The following DNAH14 variants were observed in gnomAD, a reference collection of about 807,000 sequenced individuals.
DNAH14 encodes axonemal beta dynein heavy chain 14.
In DNAH14, 478 loss-of-function variants were observed where a neutral mutation model predicts 520.9. The ratio of observed to expected loss-of-function variants is 0.92; its 90% confidence interval spans 0.85 to 0.99. The LOEUF (loss-of-function observed/expected upper bound fraction) is 0.99, where lower values mean the gene tolerates loss of function less well. Ranked by LOEUF, DNAH14 falls within the 50% of genes least tolerant of loss-of-function variation. The pLI is 0.00. For missense variants in DNAH14, 4,831 were observed against 5,234.5 expected (o/e 0.92, Z 2.38); for synonymous variants, 1,581 against 1,757.2 (o/e 0.90, Z 2.51).
chr1:225,174,035 C>G (rs1029727330), intron 36 of DNAH14, among the ~76,000 whole-genome samples: 8 of 152,098 alleles, frequency 5.3e-5, no homozygotes, highest in African/African-American at 1.9e-4. Context: ...ACCGCATGTT[C>G]TCACTCATAG....
intron 73 of DNAH14, chr1:225,357,627 A>T (rs1280184183): frequency 2.0e-6 from 1 of 497,056 alleles, no homozygotes; most frequent in Non-Finnish European, 3.5e-6. Flanking sequence ...TTTTAAGAAT[A>T]ATTTTTCCAA....
At chr1:225,278,429 C>T (rs563420240) in intron 54 of DNAH14, among the ~76,000 whole-genome samples, 4 of 152,270 alleles carry the variant, frequency 2.6e-5, no homozygotes, top group East Asian at 3.9e-4. Flanking sequence ...ACAGCCACCA[C>T]GCTATTTAAG....
chr1:225,256,227 A>G (rs935527338), intron 44 of DNAH14, among the ~76,000 whole-genome samples: 11 of 152,184 alleles, frequency 7.2e-5, no homozygotes, highest in Non-Finnish European at 1.0e-4. Context: ...CACATATACA[A>G]ACAACAACCA....
At chr1:224,934,272 T>C (rs2058885011) in intron 1 of DNAH14, among the ~76,000 whole-genome samples, 2 of 151,904 alleles carry the variant, frequency 1.3e-5, no homozygotes, top group Admixed American at 1.3e-4. Flanking sequence ...TGTTAAAAAA[T>C]ACAAATAAAT....
At chr1:225,215,934 CATTATGATG>C (rs1180172328) in intron 41 of DNAH14, among the ~76,000 whole-genome samples, 1 of 152,136 alleles carries the variant, frequency 6.6e-6, no homozygotes, top group Non-Finnish European at 1.5e-5. Context: ...TTGATCCTGT[CATTATGATG>C]TTAGCTAGTT....
At chr1:225,015,487 G>A (rs575878615) in intron 10 of DNAH14, among the ~76,000 whole-genome samples, 195 of 152,168 alleles carry the variant, frequency 1.3e-3, no homozygotes, top group Non-Finnish European at 2.4e-3. Context: ...AGTTTTGCAT[G>A]TTTGCACGAT....
intron 41 of DNAH14, among the ~76,000 whole-genome samples, chr1:225,208,070 T>A (rs1195234605): frequency 6.6e-6 from 1 of 152,116 alleles, no homozygotes; most frequent in African/African-American, 2.4e-5. Flanking sequence ...GCCACCCCCC[T>A]TCAAATCTTA....
chr1:225,253,363 T>A (rs567658202), intron 44 of DNAH14, among the ~76,000 whole-genome samples: 2 of 152,264 alleles, frequency 1.3e-5, no homozygotes, highest in African/African-American at 2.4e-5. Flanking sequence ...AGCTGTTTTC[T>A]CCAAATCTAG....
chr1:225,284,612 G>A (rs1436301849), intron 54 of DNAH14, among the ~76,000 whole-genome samples: 1 of 152,008 alleles, frequency 6.6e-6, no homozygotes, highest in Non-Finnish European at 1.5e-5. Context: ...AAATAGAAGA[G>A]GGAATACTTC....
chr1:225,255,580 G>T (rs920895048), intron 44 of DNAH14, among the ~76,000 whole-genome samples: 5 of 152,068 alleles, frequency 3.3e-5, no homozygotes, highest in Non-Finnish European at 7.4e-5. Flanking sequence ...TCTTGAATTG[G>T]GATTAAGGGA....
rs550615099 is a variant in DNAH14 at position 225,265,605 on chromosome 1, T to C, written c.7410+236T>C. Among the ~76,000 whole-genome samples, 7 of 152,304 alleles carry C rather than the reference T, an allele frequency of 4.6e-5. No individual in the cohort carries two copies. The South Asian group carries it at 1.4e-3, about 32-fold the overall frequency. On this transcript the variant is annotated intron_variant, in intron 48 of 85. Transcript: ENST00000682510. The stretch of plus-strand genomic sequence containing the variant: ...CCAAAAGAAGCTACTGAAATCTTGC[T>C]AAAGAGAAGTAGACTGGAAAATGGG...
At chr1:225,008,794 C>T (rs1008671027) in intron 10 of DNAH14, among the ~76,000 whole-genome samples, 3 of 151,940 alleles carry the variant, frequency 2.0e-5, no homozygotes, top group Non-Finnish European at 4.4e-5. Context: ...TTTTGATTTG[C>T]ATTTCTTTCA....
At position 225,240,577 on chromosome 1, in the gene DNAH14, T is replaced by C; in HGVS notation, c.6519-16T>C. 6.9e-7 allele frequency: 1 copy of C among 1,458,338 alleles called. No homozygotes were observed. Among genetic ancestry groups the C allele is most frequent in the Non-Finnish European group, 9.4e-7 (1 of 1,064,218 alleles). The allele number at this position is 1,458,338 out of a possible 1,614,324, so 90.3% of individuals were successfully genotyped here. A position where few individuals can be genotyped will look rare whatever the true frequency, so the allele number is the denominator to read the frequency against. ...AAAAATGTTAACCTTCATCCTTCCA[T>C]ACCTGTCTACCCCAGGGATGAAAAT... On this transcript the variant is annotated splice_polypyrimidine_tract_variant and intron_variant, in intron 42 of 85. Transcript: ENST00000682510.
chr1:225,353,324 T>C (rs1402361127), intron 72 of DNAH14, among the ~76,000 whole-genome samples: 4 of 152,122 alleles, frequency 2.6e-5, no homozygotes, highest in Non-Finnish European at 5.9e-5. Flanking sequence ...TAGGTAGATA[T>C]AATATTTAAT....
rs539135830 is a variant in DNAH14, at chr1:225,108,383, C to T, written c.3867+7499C>T. Among the ~76,000 whole-genome samples the T allele has an allele frequency of 1.9e-4, 29 of 152,230 alleles. No homozygotes were observed. In the Middle Eastern group the frequency reaches 0.01, roughly 54 times the overall value. On this transcript the variant is annotated intron_variant, in intron 23 of 85. Coordinates refer to ENST00000682510, the MANE Select transcript of DNAH14 (RefSeq NM_001367479.1). ...CTATTGTGGGACTTCACCTTGTGACCGTGTAAGTCAATACTCCTTAATAAA... is the reference window on the plus strand; with the variant it reads ...CTATTGTGGGACTTCACCTTGTGACTGTGTAAGTCAATACTCCTTAATAAA...
intron 58 of DNAH14, among the ~76,000 whole-genome samples, chr1:225,306,903 A>G (rs1474703378): frequency 1.3e-5 from 2 of 152,098 alleles, no homozygotes; most frequent in African/African-American, 4.8e-5. Flanking sequence ...TGGAAATTTC[A>G]GTAGTCCAGT....
At chr1:224,962,950 C>T (rs1184671992) in intron 4 of DNAH14, among the ~76,000 whole-genome samples, 1 of 152,000 alleles carries the variant, frequency 6.6e-6, no homozygotes, top group East Asian at 1.9e-4. Context: ...AGGGGAATAC[C>T]CTTGCCAATA....
chr1:225,124,957 AC>A (rs1260265929), intron 27 of DNAH14, among the ~76,000 whole-genome samples: 2 of 152,044 alleles, frequency 1.3e-5, no homozygotes, highest in Non-Finnish European at 2.9e-5. Context: ...CATGAAAACA[AC>A]ATTAATCTCC....
intron 7 of DNAH14, among the ~76,000 whole-genome samples, chr1:224,973,452 C>G (rs1161663764): frequency 6.6e-6 from 1 of 152,176 alleles, no homozygotes; most frequent in Non-Finnish European, 1.5e-5. Flanking sequence ...TTGCATTAGA[C>G]TAGTCCCACA....
Sources: gnomAD v4.1 joint callset for allele counts (sites outside exome capture counted in the v4.1 genomes callset) on GRCh38, gnomAD v4.1.1 for gene constraint, MANE v1.5 for transcripts, NCBI Gene and HGNC (gene_info 2026-07-23, HGNC 2026-07-21) for gene names.